Variants in PARD3B observed in about 807,000 individuals in gnomAD.
PARD3B encodes the protein par-3 family cell polarity regulator beta.
Under a neutral mutation model 130.2 loss-of-function variants are expected in PARD3B, and 103 were observed. The observed-to-expected ratio is 0.79, with a 90% CI of 0.67 to 0.93. PARD3B has a LOEUF of 0.93. Among genes scored for constraint, PARD3B ranks in the 40% least tolerant of loss-of-function variants. The pLI is 0.00. For synonymous variants in PARD3B, 583 were observed against 553.2 expected, an observed-to-expected ratio of 1.05 and a Z score of -0.76; for missense variants, 1,609 against 1,499.2, an observed-to-expected ratio of 1.07 and a Z score of -1.21.
At chr2:204,637,987 C>G (rs114935991) in intron 1 of PARD3B, among the ~76,000 whole-genome samples, 3 of 152,062 alleles carry the variant, frequency 2.0e-5, no homozygotes, top group African/African-American at 2.4e-5. Flanking sequence ...TACTTTCTTA[C>G]GGCATTATCC....
intron 4 of PARD3B, among the ~76,000 whole-genome samples, chr2:205,070,587 T>C (rs990912426): frequency 6.6e-6 from 1 of 152,118 alleles, no homozygotes; most frequent in Non-Finnish European, 1.5e-5. Flanking sequence ...AAGTTAAACA[T>C]TTTAGCAATA....
chr2:205,581,534 G>A (rs1169374887), intron 22 of PARD3B, among the ~76,000 whole-genome samples: 1 of 147,838 alleles, frequency 6.8e-6, no homozygotes, highest in African/African-American at 2.5e-5. Context: ...ATAAGATCTA[G>A]TATGTGACAG....
chr2:204,561,617 T>C (rs910398600), intron 1 of PARD3B, among the ~76,000 whole-genome samples: 4 of 148,432 alleles, frequency 2.7e-5, no homozygotes, highest in African/African-American at 1.0e-4. Flanking sequence ...TTTTTTGAGA[T>C]GGAGTTTTGC....
intron 18 of PARD3B, among the ~76,000 whole-genome samples, chr2:205,329,035 C>T (rs1259234916): frequency 1.3e-5 from 2 of 152,108 alleles, no homozygotes; most frequent in Non-Finnish European, 2.9e-5. Flanking sequence ...ACCCTATTGG[C>T]GAAGCTCTTC....
At chr2:205,363,847 T>A (rs1317161711) in intron 18 of PARD3B, among the ~76,000 whole-genome samples, 1 of 144,876 alleles carries the variant, frequency 6.9e-6, no homozygotes, top group East Asian at 2.0e-4. Flanking sequence ...TTTTTTTTTT[T>A]TTTTTTTTTT....
chr2:205,503,037 TCTCTTCC>T lies in PARD3B; in HGVS notation c.3180+3022_3180+3028del, dbSNP rs1304437862. 1.0e-3 allele frequency among the ~76,000 whole-genome samples: 144 copies of T among 143,138 alleles called. 1 individual carries two copies. The highest frequency in any genetic ancestry group is 3.0e-3 in the East Asian group (13 of 4,396). The allele number at this position is 143,138 out of a possible 152,430, so 93.9% of individuals were successfully genotyped here. A position where few individuals can be genotyped will look rare whatever the true frequency, so the allele number is the denominator to read the frequency against. On this transcript the variant is annotated intron_variant, in intron 21 of 22. Transcript: ENST00000406610. Reference sequence around the variant, plus strand: ...CCTCTCCCCTCTCCCCTCTCTCTTCTCTCTTCCCTCTTCCCTCTTCCCCTCTCCCCTT... The same window carrying T: ...CCTCTCCCCTCTCCCCTCTCTCTTCTCTCTTCCCTCTTCCCCTCTCCCCTT...
intron 2 of PARD3B, among the ~76,000 whole-genome samples, chr2:204,716,683 C>T (rs1051882799): frequency 6.9e-6 from 1 of 145,640 alleles, no homozygotes; most frequent in East Asian, 2.1e-4. Context: ...AGTACAGTGG[C>T]GCGATCTCGG....
chr2:205,248,288 GA>G lies in PARD3B; in HGVS notation c.2185+2468del, dbSNP rs377452586. ...TTCTTTCTTTTGGAAAATTAGTCTT[GA>G]ATTATAATGATCCTCAGGAACTCAC... On this transcript the variant is annotated intron_variant, in intron 16 of 22. Transcript: ENST00000406610. 2.1e-4 allele frequency among the ~76,000 whole-genome samples: 32 copies of G among 150,734 alleles called. 2 individuals carry two copies. In the East Asian group the frequency reaches 5.1e-3, roughly 24 times the overall value.
chr2:204,806,297 G>A (rs2042765941), intron 2 of PARD3B, among the ~76,000 whole-genome samples: 1 of 152,110 alleles, frequency 6.6e-6, no homozygotes, highest in African/African-American at 2.4e-5. Context: ...CAGACACATA[G>A]ACCAATGGAA....
chr2:204,665,082 T>G (rs1403492024), intron 1 of PARD3B, among the ~76,000 whole-genome samples: 1 of 152,012 alleles, frequency 6.6e-6, no homozygotes, highest in African/African-American at 2.4e-5. Flanking sequence ...GTGGTAATCA[T>G]GTTTGTGGCT....
intron 15 of PARD3B, among the ~76,000 whole-genome samples, chr2:205,210,086 C>T (rs1233565396): frequency 6.6e-6 from 1 of 151,898 alleles, no homozygotes; most frequent in East Asian, 1.9e-4. Flanking sequence ...TAAAACAGGG[C>T]CAGTCATGGT....
intron 18 of PARD3B, among the ~76,000 whole-genome samples, chr2:205,322,832 C>G (rs1041906019): frequency 1.4e-5 from 2 of 140,332 alleles, no homozygotes; most frequent in Admixed American, 7.8e-5. Context: ...TTATGAAGCA[C>G]TTTGAAACTT....
At chr2:205,295,179 G>T (rs1223865574) in intron 16 of PARD3B, among the ~76,000 whole-genome samples, 2 of 152,118 alleles carry the variant, frequency 1.3e-5, no homozygotes, top group Non-Finnish European at 2.9e-5. Context: ...CTCCTACTTG[G>T]AATTTACAAT....
chr2:205,345,942 A>T (rs2043737360), intron 18 of PARD3B, among the ~76,000 whole-genome samples: 1 of 67,702 alleles, frequency 1.5e-5, no homozygotes. Context: ...AGGCCAAGGC[A>T]GGTGGATCAC....
intron 20 of PARD3B, among the ~76,000 whole-genome samples, chr2:205,456,709 G>A (rs1252220017): frequency 6.6e-6 from 1 of 151,186 alleles, no homozygotes; most frequent in African/African-American, 2.4e-5. Context: ...TTCAAACATT[G>A]AACCTGCCTT....
intron 2 of PARD3B, among the ~76,000 whole-genome samples, chr2:204,764,743 TA>T (rs2041069212): frequency 1.3e-5 from 2 of 151,112 alleles, no homozygotes; most frequent in Non-Finnish European, 3.0e-5. Context: ...TGTGTGTGTG[TA>T]GTTAATTTTT....
chr2:205,536,035 G>A lies in PARD3B; in HGVS notation c.3181-17289G>A, dbSNP rs575253877. 3.9e-4 allele frequency among the ~76,000 whole-genome samples: 60 copies of A among 152,282 alleles called. 2 individuals carry two copies. In the South Asian group the frequency reaches 9.6e-3, roughly 24 times the overall value. ...GTGGCAGCAGGCCTAATGAAAATTG[G>A]AATGGATCTAAAAACCTTGAATAAG... On this transcript the variant is annotated intron_variant, in intron 21 of 22. Transcript: ENST00000406610.
rs934050171 is a variant in PARD3B, at chr2:205,592,710, G to C, written c.3261-22746G>C. ...CGTATATTTCTGAGATGATTACTCA[G>C]TTAGCTCATAGGAGGGGCATCTGAT... On this transcript the variant is annotated intron_variant, in intron 22 of 22. Transcript: ENST00000406610. The surrounding 1 kb of genome is among the most constrained non-coding windows in gnomAD (Gnocchi z 4.5). 6.6e-6 allele frequency among the ~76,000 whole-genome samples: 1 copy of C among 152,186 alleles called. No homozygotes were observed. The highest frequency in any genetic ancestry group is 2.4e-5 in the African/African-American group (1 of 41,444).
Position 204,563,217 on chromosome 2 carries a change from GTCTCTCTCTCTCTC to G in PARD3B, c.120+17134_120+17147del, listed in dbSNP as rs35536964. Among the ~76,000 whole-genome samples, 183 of 86,634 alleles carry G rather than the reference GTCTCTCTCTCTCTC, an allele frequency of 2.1e-3. 1 individual carries two copies. The highest frequency in any genetic ancestry group is 0.018 in the Middle Eastern group (2 of 110). The allele number at this position is 86,634 out of a possible 152,430, so 56.8% of individuals were successfully genotyped here. The stretch of plus-strand genomic sequence containing the variant: ...CGTTTTTACATGCCGTCTTCCCGCT[GTCTCTCTCTCTCTC>G]TCTCTCTCTCTCTCTCTCTCTCTCT... On this transcript the variant is annotated intron_variant, in intron 1 of 22. Coordinates refer to ENST00000406610, the MANE Select transcript of PARD3B (RefSeq NM_001302769.2).
Sources: allele counts gnomAD v4.1 joint callset (sites outside exome capture counted in the v4.1 genomes callset), GRCh38; gene constraint gnomAD v4.1.1; non-coding constraint Gnocchi (gnomAD v3.1); transcripts MANE v1.5; gene names NCBI Gene and HGNC (gene_info 2026-07-23, HGNC 2026-07-21).